Variants in LOC128462377 observed in about 807,000 individuals in gnomAD.
chr16:89,370,949 C>T, the LOC128462377 span, among the ~76,000 whole-genome samples: 17 of 152,094 alleles, frequency 1.1e-4, no homozygotes, highest in Non-Finnish European at 2.2e-4. Flanking sequence ...AGAACCAAGC[C>T]CTGCGGACAC....
At chr16:89,318,361 C>G in the LOC128462377 span, among the ~76,000 whole-genome samples, 2 of 152,232 alleles carry the variant, frequency 1.3e-5, no homozygotes, top group Non-Finnish European at 2.9e-5. Flanking sequence ...AAGCCACTGT[C>G]CCCCCATCAT....
At chr16:89,391,835 A>G in the LOC128462377 span, among the ~76,000 whole-genome samples, 1 of 152,246 alleles carries the variant, frequency 6.6e-6, no homozygotes, top group Non-Finnish European at 1.5e-5. Context: ...CTGTACTGAC[A>G]TTCTTAAATA....
At chr16:89,404,933 C>T in the LOC128462377 span, among the ~76,000 whole-genome samples, 1 of 152,338 alleles carries the variant, frequency 6.6e-6, no homozygotes, top group Non-Finnish European at 1.5e-5. Flanking sequence ...GGACAAACAT[C>T]GTGTCCACAG....
chr16:89,358,508 G>A, the LOC128462377 span, among the ~76,000 whole-genome samples: 17 of 152,284 alleles, frequency 1.1e-4, no homozygotes, highest in East Asian at 2.9e-3. Context: ...TGGATACCCC[G>A]TTTTCCATGA....
the LOC128462377 span, among the ~76,000 whole-genome samples, chr16:89,326,452 T>G: frequency 6.6e-6 from 1 of 151,632 alleles, no homozygotes; most frequent in Non-Finnish European, 1.5e-5. Flanking sequence ...ACCCCCAAAT[T>G]ACACAAATAG....
chr16:89,356,170 G>A, the LOC128462377 span, among the ~76,000 whole-genome samples: 2 of 152,176 alleles, frequency 1.3e-5, no homozygotes, highest in African/African-American at 4.8e-5. Flanking sequence ...TAATTCTCAC[G>A]TTTCTGATCA....
chr16:89,409,546 A>T, the LOC128462377 span, among the ~76,000 whole-genome samples: 2 of 152,080 alleles, frequency 1.3e-5, no homozygotes, highest in African/African-American at 2.4e-5. Flanking sequence ...GGGTGCTGCG[A>T]CTCACGCCTG....
chr16:89,341,360 T>A, the LOC128462377 span, among the ~76,000 whole-genome samples: 1 of 152,156 alleles, frequency 6.6e-6, no homozygotes, highest in East Asian at 1.9e-4. Flanking sequence ...ACAATTTAAG[T>A]TGTAACAGGG....
the LOC128462377 span, among the ~76,000 whole-genome samples, chr16:89,326,101 G>A: frequency 2.0e-5 from 3 of 152,242 alleles, no homozygotes. Context: ...AAGGCGCCAA[G>A]ATACAAACTA....
chr16:89,357,213 G>T, the LOC128462377 span, among the ~76,000 whole-genome samples: 3 of 152,124 alleles, frequency 2.0e-5, no homozygotes, highest in Non-Finnish European at 4.4e-5. Flanking sequence ...TTGGGGGCGG[G>T]GTGAGTCAGC....
the LOC128462377 span, among the ~76,000 whole-genome samples, chr16:89,325,578 C>T: frequency 1.3e-5 from 2 of 152,170 alleles, no homozygotes; most frequent in Non-Finnish European, 2.9e-5. Context: ...GGGATGCATA[C>T]TTAGTTGACA....
At chr16:89,396,103 A>T in the LOC128462377 span, 5 of 152,352 alleles carry the variant, frequency 3.3e-5, no homozygotes, top group African/African-American at 1.2e-4. Flanking sequence ...CAGCCAGAAC[A>T]CCTCAACAAC....
chr16:89,336,653 G>A, the LOC128462377 span, among the ~76,000 whole-genome samples: 2 of 152,152 alleles, frequency 1.3e-5, no homozygotes, highest in Non-Finnish European at 1.5e-5. Flanking sequence ...CACACCCCCC[G>A]GGTGGGCCAC....
the LOC128462377 span, among the ~76,000 whole-genome samples, chr16:89,387,860 C>T: frequency 6.6e-6 from 1 of 151,058 alleles, no homozygotes; most frequent in African/African-American, 2.4e-5. Flanking sequence ...AAAAAATTAG[C>T]CAGGCGTGGT....
At chr16:89,359,039 C>G in the LOC128462377 span, among the ~76,000 whole-genome samples, 1 of 152,070 alleles carries the variant, frequency 6.6e-6, no homozygotes, top group African/African-American at 2.4e-5. Context: ...TTATATATGT[C>G]TAAATCGTCA....
chr16:89,362,684 C>A, the LOC128462377 span, among the ~76,000 whole-genome samples: 2 of 152,194 alleles, frequency 1.3e-5, no homozygotes, highest in Non-Finnish European at 2.9e-5. Flanking sequence ...ATAAAGAAAT[C>A]AATGTACTTT....
the LOC128462377 span, among the ~76,000 whole-genome samples, chr16:89,369,986 G>A: frequency 3.7e-4 from 56 of 152,324 alleles, no homozygotes; most frequent in African/African-American, 1.3e-3. Context: ...GAAGCTCAGA[G>A]AGGCTGGGGG....
the LOC128462377 span, among the ~76,000 whole-genome samples, chr16:89,378,197 C>T: frequency 1.7e-3 from 257 of 151,920 alleles, 1 homozygote; most frequent in African/African-American, 5.9e-3. Context: ...CTTTAAGAAG[C>T]GGGAAAAAAA....
the LOC128462377 span, among the ~76,000 whole-genome samples, chr16:89,410,222 G>A: frequency 3.9e-5 from 6 of 152,148 alleles, no homozygotes; most frequent in African/African-American, 1.2e-4. Context: ...ATGCCAACCC[G>A]GTGGGTACGG....
Sources: gnomAD v4.1 joint callset for allele counts (sites outside exome capture counted in the v4.1 genomes callset) on GRCh38, gnomAD v4.1.1 for gene constraint, MANE v1.5 for transcripts.